The following DNAH7 variants were observed in gnomAD, a reference collection of about 807,000 sequenced individuals.
DNAH7 encodes the protein dynein axonemal heavy chain 7, also known as axonemal beta dynein heavy chain 7.
In DNAH7, 397 loss-of-function variants were observed where a neutral mutation model predicts 444.6. That is an observed-to-expected ratio of 0.89 (90% confidence interval 0.82 to 0.97). DNAH7 has a LOEUF of 0.97. DNAH7 is among the 50% of genes least tolerant of loss of function. The pLI is 0.00. For missense variants in DNAH7, 4,902 were observed against 4,800.8 expected (o/e 1.02, Z -0.62); for synonymous variants, 1,636 against 1,624.4 (o/e 1.01, Z -0.17).
chr2:195,981,457 A>G (rs1692566300), intron 15 of DNAH7, among the ~76,000 whole-genome samples: 1 of 151,676 alleles, frequency 6.6e-6, no homozygotes, highest in African/African-American at 2.4e-5. Flanking sequence ...GAAATAGAAA[A>G]AAAAAACTTA....
chr2:195,862,266 G>A (rs1460796613), intron 41 of DNAH7, among the ~76,000 whole-genome samples: 1 of 152,124 alleles, frequency 6.6e-6, no homozygotes, highest in Non-Finnish European at 1.5e-5. Flanking sequence ...CATTTTACTG[G>A]TATTATCTCA....
At chr2:195,971,586 T>C (rs1173213857) in intron 16 of DNAH7, among the ~76,000 whole-genome samples, 3 of 152,010 alleles carry the variant, frequency 2.0e-5, no homozygotes, top group Non-Finnish European at 4.4e-5. Flanking sequence ...CAAGCACATG[T>C]GGGGCGGGGG....
At chr2:195,996,729 A>G (rs1418966128) in intron 12 of DNAH7, among the ~76,000 whole-genome samples, 2 of 152,148 alleles carry the variant, frequency 1.3e-5, no homozygotes, top group African/African-American at 4.8e-5. Flanking sequence ...CCCGTCCCCA[A>G]CTTACTCTTA....
Position 195,900,302 on chromosome 2 carries a change from T to C in DNAH7, c.4528A>G (p.Thr1510Ala). 1 of 1,614,018 alleles carries C rather than the reference T, an allele frequency of 6.2e-7. No homozygotes were observed. Among genetic ancestry groups the C allele is most frequent in the East Asian group, 2.2e-5 (1 of 44,882 alleles). The change falls in exon 28 of 65, where the codon ACT becomes GCT. Residue 1510 changes from threonine to alanine, a missense_variant. By Grantham distance (58) the Thr-to-Ala change is moderately conservative (BLOSUM62 0). Transcript: ENST00000312428. ...TCTACCTTCAGATTCCCAGCAGCAGTAAGAACTGACTTCACGGCTCTCATT... is the reference window on the plus strand; with the variant it reads ...TCTACCTTCAGATTCCCAGCAGCAGCAAGAACTGACTTCACGGCTCTCATT... Reference protein sequence around the residue: ...YGMRAVKSVLTAAGNLKLKYP... With the variant: ...YGMRAVKSVLAAAGNLKLKYP...
intron 22 of DNAH7, 146 bp downstream of exon 22, chr2:195,926,280 T>C (rs565170672): frequency 2.8e-6 from 2 of 710,288 alleles, no homozygotes; most frequent in Middle Eastern, 4.0e-4. Flanking sequence ...GTGCAATTTT[T>C]ATTTAAAAAA....
chr2:195,897,154 C>A (rs1702368435), intron 29 of DNAH7, among the ~76,000 whole-genome samples: 2 of 152,092 alleles, frequency 1.3e-5, no homozygotes, highest in South Asian at 4.1e-4. Context: ...AAACTTTAAC[C>A]ATTATTCTAA....
At chr2:196,023,248 C>T (rs1695486287) in intron 8 of DNAH7, among the ~76,000 whole-genome samples, 1 of 152,040 alleles carries the variant, frequency 6.6e-6, no homozygotes, top group Non-Finnish European at 1.5e-5. Flanking sequence ...GATGCCTGCT[C>T]CCATTTTGCC....
At chr2:195,779,249 C>T (rs113671048) in intron 58 of DNAH7, among the ~76,000 whole-genome samples, 213 of 152,254 alleles carry the variant, frequency 1.4e-3, no homozygotes, top group African/African-American at 4.6e-3. Context: ...ATATTAAACA[C>T]TTTCATTGCT....
At chr2:196,061,738 G>A (rs1698147011) in intron 1 of DNAH7, among the ~76,000 whole-genome samples, 1 of 152,092 alleles carries the variant, frequency 6.6e-6, no homozygotes, top group Non-Finnish European at 1.5e-5. Flanking sequence ...AAGAATGGGG[G>A]ATCAAGAAAG....
chr2:195,985,620 T>A (rs1179506160), intron 14 of DNAH7, among the ~76,000 whole-genome samples: 1 of 152,160 alleles, frequency 6.6e-6, no homozygotes, highest in Non-Finnish European at 1.5e-5. Context: ...TTAATAGTCC[T>A]GATATGTCCT....
intron 61 of DNAH7, among the ~76,000 whole-genome samples, chr2:195,760,975 T>A (rs1420822147): frequency 6.6e-6 from 1 of 151,926 alleles, no homozygotes; most frequent in Non-Finnish European, 1.5e-5. Context: ...TCATAAAACA[T>A]GACCTTACCA....
At chr2:196,002,614 A>G (rs915573368) in intron 10 of DNAH7, among the ~76,000 whole-genome samples, 2 of 152,234 alleles carry the variant, frequency 1.3e-5, no homozygotes, top group African/African-American at 4.8e-5. Flanking sequence ...GAATGTTCCA[A>G]GAGAGAAAAT....
chr2:196,047,560 C>G, intron 4 of DNAH7, 61 bp from the exon 5 acceptor site: 1 of 1,313,194 alleles, frequency 7.6e-7, no homozygotes, highest in Non-Finnish European at 1.0e-6. Context: ...TAAAGCATTT[C>G]ACATGCTTAA....
At chr2:195,837,516 CTTCT>C (rs1698433291) in intron 47 of DNAH7, among the ~76,000 whole-genome samples, 1 of 152,138 alleles carries the variant, frequency 6.6e-6, no homozygotes, top group Admixed American at 6.6e-5. Context: ...TTCTAAGTTT[CTTCT>C]TTCTTTCTAT....
intron 16 of DNAH7, among the ~76,000 whole-genome samples, chr2:195,970,532 T>C (rs1386951873): frequency 2.0e-5 from 3 of 152,204 alleles, no homozygotes; most frequent in Non-Finnish European, 4.4e-5. Context: ...AATTGTACTC[T>C]GATATCATTT....
chr2:195,868,643 C>T (rs1700493307), intron 40 of DNAH7, among the ~76,000 whole-genome samples: 1 of 146,510 alleles, frequency 6.8e-6, no homozygotes, highest in African/African-American at 2.5e-5. Context: ...TTATCCCATT[C>T]TATATATTGT....
At chr2:195,964,266 C>G (rs1425449084) in intron 17 of DNAH7, among the ~76,000 whole-genome samples, 1 of 152,276 alleles carries the variant, frequency 6.6e-6, no homozygotes, top group South Asian at 2.1e-4. Flanking sequence ...ATTGATTCTT[C>G]AAATCCATGA....
In DNAH7 at chr2:195,868,692, T is replaced by C. The variant is rs144136076; in HGVS notation, c.6633+3558A>G. Among the ~76,000 whole-genome samples, 511 of 151,176 alleles carry C rather than the reference T, an allele frequency of 3.4e-3. 3 individuals are homozygous for C. Among genetic ancestry groups the C allele is most frequent in the African/African-American group, 0.012 (492 of 41,098 alleles). On this transcript the variant is annotated intron_variant, in intron 40 of 64. Transcript: ENST00000312428. ...GGATGGTGTTTTTTGAAGCATAAAA[T>C]TTTTTAATTTTGATGAAACATATTC...
chr2:195,940,271 G>GA lies in DNAH7; in HGVS notation c.3079-3480dup, dbSNP rs531764387. On this transcript the variant is annotated intron_variant, in intron 19 of 64. Coordinates refer to ENST00000312428, the MANE Select transcript of DNAH7 (RefSeq NM_018897.3). ...AAACCTGATAAAAACAAGCAATTGGGAAAAAAATCCCTATTTAACAAATGG... is the reference window on the plus strand; with the variant it reads ...AAACCTGATAAAAACAAGCAATTGGGAAAAAAAATCCCTATTTAACAAATGG... Among the ~76,000 whole-genome samples the GA allele has an allele frequency of 5.9e-4, 89 of 152,134 alleles. 1 individual carries two copies. The highest frequency in any genetic ancestry group is 3.4e-3 in the Middle Eastern group (1 of 294).
Sources: gnomAD v4.1 joint callset for allele counts (sites outside exome capture counted in the v4.1 genomes callset) on GRCh38, gnomAD v4.1.1 for gene constraint, MANE v1.5 for transcripts, NCBI Gene and HGNC (gene_info 2026-07-23, HGNC 2026-07-21) for gene names.